The following CD109 variants were observed in gnomAD, a reference collection of about 807,000 sequenced individuals.
CD109 encodes the protein CD109 molecule.
A neutral mutation model predicts 165.8 loss-of-function variants in CD109; 149 were observed. That is an observed-to-expected ratio of 0.90 (90% CI 0.79 to 1.03). The LOEUF (loss-of-function observed/expected upper bound fraction) is 1.03, where lower values mean the gene tolerates loss of function less well. Ranked by LOEUF, CD109 falls within the 50% of genes least tolerant of loss-of-function variation. The pLI is 0.00. For synonymous variants in CD109, 585 were observed against 592.1 expected (o/e 0.99, Z 0.18); for missense variants, 1,712 against 1,677.8 (o/e 1.02, Z -0.36).
intron 28 of CD109, among the ~76,000 whole-genome samples, chr6:73,811,831 A>G (rs1775768791): frequency 6.6e-6 from 1 of 152,186 alleles, no homozygotes; most frequent in East Asian, 1.9e-4. Context: ...AGGCACAGTC[A>G]TAGACAATGT....
chr6:73,779,494 C>A (rs537826695), intron 15 of CD109, among the ~76,000 whole-genome samples: 3 of 152,150 alleles, frequency 2.0e-5, no homozygotes, highest in African/African-American at 7.2e-5. Context: ...ATGATCCGCC[C>A]GCCTCGGCCT....
chr6:73,760,722 T>A (rs1773586973), intron 7 of CD109, among the ~76,000 whole-genome samples: 1 of 151,994 alleles, frequency 6.6e-6, no homozygotes, highest in South Asian at 2.1e-4. Context: ...GGCAGACGCC[T>A]ATAATCCCAG....
chr6:73,733,896 A>G (rs769476758), intron 4 of CD109, among the ~76,000 whole-genome samples: 13 of 149,736 alleles, frequency 8.7e-5, no homozygotes, highest in African/African-American at 3.0e-4. Context: ...GCTTGAGACA[A>G]TCAGGTACTG....
At chr6:73,749,014 A>G (rs9447004) in intron 5 of CD109, among the ~76,000 whole-genome samples, 82,830 of 151,970 alleles carry the variant, frequency 0.55, 23,078 homozygotes, top group African/African-American at 0.66. Context: ...CATGATTGCT[A>G]TTACGTAGGC....
Position 73,788,507 on chromosome 6 carries a change from T to C in CD109, c.2596T>C (p.Leu866=). The stretch of plus-strand genomic sequence containing the variant: ...AAAATCATATTCACAATCCATCTTA[T>C]TAGACTTGACTGACAATAGGCTACA... ...IEKSYSQSIL[L]DLTDNRLQST... is the part of the protein sequence containing the mutation. Residue 866 remains leucine, a synonymous_variant, in exon 22 of 33, where the codon TTA becomes CTA. Transcript: ENST00000287097. 6.2e-7 allele frequency: 1 copy of C among 1,611,902 alleles called. No homozygotes were observed. The highest frequency in any genetic ancestry group is 8.5e-7 in the Non-Finnish European group (1 of 1,179,530).
At chr6:73,812,415 T>C (rs1228768091) in intron 29 of CD109, 145 bp downstream of exon 29, 1 of 562,866 alleles carries the variant, frequency 1.8e-6, no homozygotes, top group African/African-American at 1.9e-5. Flanking sequence ...TCACTGTCTT[T>C]AATAAAAAGT....
intron 24 of CD109, 24 bp from the exon 25 acceptor site, chr6:73,806,820 T>C: frequency 6.4e-7 from 1 of 1,562,288 alleles, no homozygotes; most frequent in South Asian, 1.1e-5. Flanking sequence ...GTATTTTATG[T>C]AATTTTTTTC....
intron 29 of CD109, among the ~76,000 whole-genome samples, chr6:73,814,352 T>A (rs1775856546): frequency 6.6e-6 from 1 of 152,154 alleles, no homozygotes; most frequent in Admixed American, 6.6e-5. Context: ...AGTACATTCC[T>A]AAGCTTCTGA....
rs1468099542 is a variant in CD109, at chr6:73,781,249, T to A, written c.1903-10T>A. ...GTGTTTTAAAAGAAAATAAAAATTA[T>A]TCTTTTTAGGAATGTGGACTCTGGG... On this transcript the variant is annotated splice_polypyrimidine_tract_variant and intron_variant, in intron 16 of 32. Transcript: ENST00000287097. The A allele has an allele frequency of 6.2e-7, 1 of 1,607,670 alleles. No homozygotes were observed. The highest frequency in any genetic ancestry group is 1.7e-5 in the Admixed American group (1 of 59,896).
At position 73,719,320 on chromosome 6, in the gene CD109, A is replaced by T. The variant is rs191472106; in HGVS notation, c.248-3931A>T. Among the ~76,000 whole-genome samples, 123 of 152,322 alleles carry T rather than the reference A, an allele frequency of 8.1e-4. 1 individual carries two copies. Among genetic ancestry groups the T allele is most frequent in the African/African-American group, 2.8e-3 (117 of 41,566 alleles). On this transcript the variant is annotated intron_variant, in intron 2 of 32. Transcript: ENST00000287097. ...CCAGATTTAGTAGATTAAAACAACA[A>T]TGGTTTATTATTTCTCACAATTCTC...
intron 15 of CD109, among the ~76,000 whole-genome samples, chr6:73,778,463 A>G (rs1466358832): frequency 6.6e-6 from 1 of 152,066 alleles, no homozygotes; most frequent in African/African-American, 2.4e-5. Flanking sequence ...GCGGTGAGAG[A>G]GGGCATTCTT....
chr6:73,743,439 T>G (rs1268769358), intron 5 of CD109, among the ~76,000 whole-genome samples: 1 of 152,246 alleles, frequency 6.6e-6, no homozygotes, highest in African/African-American at 2.4e-5. Context: ...TGCATTGAGT[T>G]ATTTCTTTGC....
chr6:73,759,306 T>C lies in CD109; in HGVS notation c.758+278T>C, dbSNP rs73460308. The stretch of plus-strand genomic sequence containing the variant: ...TATTATAGATAGCACTGTTTTTTTT[T>C]CAGATGACATGGACTTGAAGCCACC... On this transcript the variant is annotated intron_variant, in intron 7 of 32. Coordinates refer to ENST00000287097, the MANE Select transcript of CD109 (RefSeq NM_133493.5). 6.2e-3 allele frequency among the ~76,000 whole-genome samples: 943 copies of C among 152,058 alleles called. 15 individuals are homozygous for C. Among genetic ancestry groups the C allele is most frequent in the African/African-American group, 0.021 (881 of 41,396 alleles).
chr6:73,777,634 T>TA (rs1457969249), intron 15 of CD109, among the ~76,000 whole-genome samples: 2 of 152,236 alleles, frequency 1.3e-5, no homozygotes, highest in African/African-American at 4.8e-5. Context: ...TGCATATGGC[T>TA]AGCCAGCTCT....
rs766548164 is a variant in CD109 at position 73,810,001 on chromosome 6, G to T, written c.3373G>T (p.Val1125Leu). 1 of 1,590,522 alleles carries T rather than the reference G, an allele frequency of 6.3e-7. No individual in the cohort carries two copies. The highest frequency in any genetic ancestry group is 8.5e-7 in the Non-Finnish European group (1 of 1,171,594). Residue 1125 changes from valine to leucine, a missense_variant, in exon 27 of 33, where the codon GTG becomes TTG. Val to Leu is a conservative substitution (Grantham distance 32, BLOSUM62 1). Transcript: ENST00000287097. ...TCTTGCAGGTGGCATGCAATTCTGG[G>T]TGTCATCAGAGTCCAAACTTTCTGA... The part of the protein sequence containing the change: ...AEQEGGMQFW[V>L]SSESKLSDSW...
At chr6:73,737,720 A>G (rs965961854) in intron 5 of CD109, among the ~76,000 whole-genome samples, 2 of 152,174 alleles carry the variant, frequency 1.3e-5, no homozygotes, top group African/African-American at 4.8e-5. Flanking sequence ...TGGAAAGAGT[A>G]GGCATTTGTG....
intron 21 of CD109, among the ~76,000 whole-genome samples, chr6:73,788,188 T>TGA (rs1405988297): frequency 6.6e-6 from 1 of 152,238 alleles, no homozygotes; most frequent in Non-Finnish European, 1.5e-5. Context: ...TGAAGGGTAC[T>TGA]GTACTTAGTG....
intron 23 of CD109, among the ~76,000 whole-genome samples, chr6:73,795,434 C>G (rs7751523): frequency 0.54 from 81,916 of 151,728 alleles, 22,609 homozygotes; most frequent in African/African-American, 0.65. Context: ...ATGAATGGTC[C>G]AAATCCTCAG....
intron 2 of CD109, among the ~76,000 whole-genome samples, chr6:73,698,345 T>G (rs1055161489): frequency 2.6e-5 from 4 of 152,272 alleles, no homozygotes; most frequent in African/African-American, 9.6e-5. Flanking sequence ...TTTTTCTTTT[T>G]TTAGATTCTT....
Sources: allele counts gnomAD v4.1 joint callset (sites outside exome capture counted in the v4.1 genomes callset), GRCh38; gene constraint gnomAD v4.1.1; transcripts MANE v1.5; gene names NCBI Gene and HGNC (gene_info 2026-07-23, HGNC 2026-07-21).